DIAPH2: variants seen among roughly 807,000 people sequenced by gnomAD.
DIAPH2 encodes protein diaphanous homolog 2.
A neutral mutation model predicts 92.7 loss-of-function variants in DIAPH2; 35 were observed. The observed-to-expected ratio is 0.38, with a 90% CI of 0.29 to 0.50. The LOEUF is 0.50. Ranked by LOEUF, DIAPH2 falls within the 20% of genes least tolerant of loss-of-function variation. The pLI, the probability that DIAPH2 is intolerant of heterozygous loss-of-function variation, is 0.94. For synonymous variants in DIAPH2, 301 were observed against 280.4 expected, an observed-to-expected ratio of 1.07 and a Z score of -0.73; for missense variants, 701 against 819.5, an observed-to-expected ratio of 0.86 and a Z score of 1.77.
chrX:97,194,433 C>A (rs750149179), intron 22 of DIAPH2, among the ~76,000 whole-genome samples: 2 of 109,706 alleles, frequency 1.8e-5, no homozygotes, highest in African/African-American at 3.3e-5. Flanking sequence ...AGGCACCCGC[C>A]ACCAAGCCCG....
chrX:96,917,580 C>A (rs972284087), intron 8 of DIAPH2, among the ~76,000 whole-genome samples: 6 of 110,865 alleles, frequency 5.4e-5, no homozygotes, highest in African/African-American at 2.0e-4. Flanking sequence ...TCATAAAATA[C>A]AATGTAGTCC....
At chrX:96,831,405 G>A (rs1430287395) in intron 4 of DIAPH2, among the ~76,000 whole-genome samples, 2 of 112,074 alleles carry the variant, frequency 1.8e-5, no homozygotes, top group Non-Finnish European at 3.8e-5. Context: ...TGTAGCCATA[G>A]CTGGGTTCAA....
At position 97,588,920 on chromosome X, in the gene DIAPH2, T is replaced by G. The variant is rs536827765; in HGVS notation, c.3242-10333T>G. On this transcript the variant is annotated intron_variant, in intron 26 of 26. Transcript: ENST00000324765. ...ACTTTGTAGCTAAAGACTGAGAATT[T>G]AACATCCTATCTAGATTTTGTTCTC... Among the ~76,000 whole-genome samples the G allele has an allele frequency of 3.0e-5, 3 of 99,707 alleles. No homozygotes were observed. In the South Asian group the frequency reaches 1.5e-3, roughly 49 times the overall value. The allele number at this position is 99,707 out of a possible 115,157, so 86.6% of individuals were successfully genotyped here.
chrX:97,484,378 AG>A (rs1452261269), intron 26 of DIAPH2, among the ~76,000 whole-genome samples: 2 of 112,137 alleles, frequency 1.8e-5, no homozygotes, highest in Admixed American at 1.9e-4. Flanking sequence ...CCTACCTAAT[AG>A]GGTTATTCTG....
chrX:97,015,643 T>C (rs1364152905), intron 17 of DIAPH2, among the ~76,000 whole-genome samples: 1 of 111,127 alleles, frequency 9.0e-6, no homozygotes, highest in African/African-American at 3.3e-5. Context: ...TTTTCTAAAT[T>C]GGGTGGCTTT....
intron 5 of DIAPH2, among the ~76,000 whole-genome samples, chrX:96,894,771 T>C (rs997533182): frequency 3.6e-5 from 4 of 111,086 alleles, no homozygotes; most frequent in African/African-American, 1.3e-4. Context: ...ACCATTTTTG[T>C]ATTGTTTGCA....
chrX:97,059,498 A>T (rs11092134), intron 17 of DIAPH2, among the ~76,000 whole-genome samples: 36,824 of 110,126 alleles, frequency 0.33, 5,641 homozygotes, highest in South Asian at 0.52. Context: ...ACCGCCCGCC[A>T]TGCAGTTGAA....
intron 23 of DIAPH2, among the ~76,000 whole-genome samples, chrX:97,276,800 A>T (rs1436606295): frequency 1.8e-5 from 2 of 111,969 alleles, no homozygotes; most frequent in African/African-American, 6.5e-5. Flanking sequence ...AATATGATAG[A>T]TAGCCTTTAT....
intron 23 of DIAPH2, among the ~76,000 whole-genome samples, chrX:97,286,128 C>T (rs1224560214): frequency 9.5e-6 from 1 of 105,450 alleles, no homozygotes. Context: ...GCAACTTCTG[C>T]CTCCCGGGTT....
chrX:96,940,275 A>C, intron 12 of DIAPH2, among the ~76,000 whole-genome samples: 1 of 112,262 alleles, frequency 8.9e-6, no homozygotes, highest in Non-Finnish European at 1.9e-5. Flanking sequence ...CTAATATTTC[A>C]GTTTTATGTC....
chrX:96,831,998 T>A (rs1013809109), intron 4 of DIAPH2, among the ~76,000 whole-genome samples: 2 of 110,862 alleles, frequency 1.8e-5, no homozygotes, highest in African/African-American at 6.6e-5. Context: ...CTTCAAGGAG[T>A]AGGAAAGTAC....
chrX:97,354,905 T>C (rs2069251006), intron 24 of DIAPH2, among the ~76,000 whole-genome samples: 1 of 112,288 alleles, frequency 8.9e-6, no homozygotes, highest in Non-Finnish European at 1.9e-5. Context: ...GGAAGCACCA[T>C]ATGAAAATTC....
intron 4 of DIAPH2, among the ~76,000 whole-genome samples, chrX:96,804,030 A>T (rs2064605241): frequency 9.0e-6 from 1 of 111,125 alleles, no homozygotes; most frequent in Non-Finnish European, 1.9e-5. Context: ...CCGAAAAAAA[A>T]ATTTCCTGTG....
At chrX:97,287,273 C>T (rs955195548) in intron 23 of DIAPH2, among the ~76,000 whole-genome samples, 6 of 109,373 alleles carry the variant, frequency 5.5e-5, no homozygotes, top group African/African-American at 1.7e-4. Context: ...CCACCGAACT[C>T]CAGCCTGGGC....
chrX:97,115,547 T>C (rs2067010898), intron 21 of DIAPH2, among the ~76,000 whole-genome samples: 1 of 111,116 alleles, frequency 9.0e-6, no homozygotes, highest in Non-Finnish European at 1.9e-5. Flanking sequence ...AAAAATAAAA[T>C]ATAAAATAAA....
chrX:97,405,190 A>G (rs1270584110), intron 25 of DIAPH2, among the ~76,000 whole-genome samples: 1 of 112,103 alleles, frequency 8.9e-6, no homozygotes, highest in Non-Finnish European at 1.9e-5. Flanking sequence ...TGTTTTGCTC[A>G]GTACTGCATA....
At chrX:96,840,257 T>A (rs971541068) in intron 4 of DIAPH2, among the ~76,000 whole-genome samples, 2 of 111,871 alleles carry the variant, frequency 1.8e-5, no homozygotes, top group Non-Finnish European at 3.8e-5. Flanking sequence ...TTATTTCCCA[T>A]CCCTGTATCC....
chrX:97,484,665 G>A (rs1424528655), intron 26 of DIAPH2, among the ~76,000 whole-genome samples: 1 of 111,830 alleles, frequency 8.9e-6, no homozygotes, highest in Non-Finnish European at 1.9e-5. Flanking sequence ...TTGGGAGGCC[G>A]AGGCGGGCAG....
chrX:96,920,969 C>G (rs1366197437), intron 9 of DIAPH2, among the ~76,000 whole-genome samples: 1 of 111,685 alleles, frequency 9.0e-6, no homozygotes, highest in Non-Finnish European at 1.9e-5. Flanking sequence ...AAGATGTCCT[C>G]TAAAAGTTCA....
Sources: allele counts gnomAD v4.1 joint callset (sites outside exome capture counted in the v4.1 genomes callset), GRCh38; gene constraint gnomAD v4.1.1; transcripts MANE v1.5; gene names NCBI Gene and HGNC (gene_info 2026-07-23, HGNC 2026-07-21).